The following MIPOL1 variants were observed in gnomAD, a reference collection of about 807,000 sequenced individuals.
MIPOL1 encodes mirror-image polydactyly gene 1 protein.
Under a neutral mutation model 60.9 loss-of-function variants are expected in MIPOL1, and 57 were observed. The observed-to-expected ratio is 0.94, with a 90% confidence interval of 0.76 to 1.17. The LOEUF (loss-of-function observed/expected upper bound fraction) is 1.17, where lower values mean the gene tolerates loss of function less well. Ranked by LOEUF, MIPOL1 falls within the 50% of genes most tolerant of loss-of-function variation. The pLI is 0.00. For synonymous variants in MIPOL1, 179 were observed against 168.8 expected (o/e 1.06, Z -0.47); for missense variants, 551 against 511.6 (o/e 1.08, Z -0.74).
intron 12 of MIPOL1, chr14:37,523,527 C>T (rs1427721689): frequency 1.2e-5 from 5 of 426,136 alleles, no homozygotes; most frequent in Admixed American, 4.3e-5. Flanking sequence ...GAGAAAAATT[C>T]CTAATGGATA....
At chr14:37,537,947 G>T (rs747622767) in intron 12 of MIPOL1, among the ~76,000 whole-genome samples, 129 of 152,154 alleles carry the variant, frequency 8.5e-4, no homozygotes, top group Non-Finnish European at 1.4e-3. Flanking sequence ...ATGAAATTAG[G>T]TTATTAGGCT....
intron 1 of MIPOL1, among the ~76,000 whole-genome samples, chr14:37,233,043 AAT>A (rs1483098370): frequency 6.6e-6 from 1 of 152,162 alleles, no homozygotes; most frequent in African/African-American, 2.4e-5. Context: ...CATCTTTTTA[AAT>A]TGATGCCAGT....
At position 37,369,579 on chromosome 14, in the gene MIPOL1, C is replaced by A; in HGVS notation, c.891C>A (p.Asn297Lys). The change falls in exon 10 of 13, where the codon AAC becomes AAA. Residue 297 changes from asparagine to lysine, a missense_variant. Coordinates refer to ENST00000684589, the MANE Select transcript of MIPOL1 (RefSeq NM_001388067.1). ...AGCAGAACCAGACTTCAGCAAACAA[C>A]ATGAGACATCTGACTGCTGAAAACA... The part of the protein sequence containing the change: ...VKEQNQTSAN[N>K]MRHLTAENNQ... 6.2e-7 allele frequency: 1 copy of A among 1,613,376 alleles called. No individual in the cohort carries two copies. Among genetic ancestry groups the A allele is most frequent in the Non-Finnish European group, 8.5e-7 (1 of 1,179,540 alleles).
intron 1 of MIPOL1, among the ~76,000 whole-genome samples, chr14:37,244,194 A>G (rs1452026847): frequency 8.0e-6 from 1 of 124,804 alleles, no homozygotes; most frequent in Non-Finnish European, 1.5e-5. Flanking sequence ...ATCTTGACTC[A>G]CTGCAGTCTC....
At chr14:37,385,574 A>G (rs2093042886) in intron 10 of MIPOL1, 1 of 152,110 alleles carries the variant, frequency 6.6e-6, no homozygotes, top group Non-Finnish European at 1.5e-5. Context: ...ACAGAAAAAG[A>G]ACTAAACTTT....
intron 7 of MIPOL1, among the ~76,000 whole-genome samples, chr14:37,291,982 A>G (rs1399393902): frequency 3.7e-5 from 5 of 134,968 alleles, no homozygotes; most frequent in African/African-American, 1.5e-4. Flanking sequence ...CTGGAGTGCA[A>G]TGGTGCAATC....
chr14:37,353,296 G>T (rs2091546018), intron 9 of MIPOL1, among the ~76,000 whole-genome samples: 1 of 110,154 alleles, frequency 9.1e-6, no homozygotes, highest in Non-Finnish European at 1.9e-5. Flanking sequence ...TGTGCTGCTG[G>T]ATTCGGTTTG....
At chr14:37,363,775 G>T (rs528901109) in intron 9 of MIPOL1, among the ~76,000 whole-genome samples, 1 of 152,330 alleles carries the variant, frequency 6.6e-6, no homozygotes, top group Admixed American at 6.5e-5. Flanking sequence ...TTCCCGAGCT[G>T]TGGTGGGCGC....
At chr14:37,235,818 C>T (rs72671717) in intron 1 of MIPOL1, among the ~76,000 whole-genome samples, 39,301 of 151,844 alleles carry the variant, frequency 0.26, 5,189 homozygotes, top group South Asian at 0.33. Flanking sequence ...CTAGGGACCT[C>T]ATATAAGTGG....
At chr14:37,393,284 G>A (rs975734539) in intron 10 of MIPOL1, among the ~76,000 whole-genome samples, 4 of 151,980 alleles carry the variant, frequency 2.6e-5, no homozygotes, top group African/African-American at 9.7e-5. Context: ...CCAATTTGTG[G>A]TTCTTTGTTT....
intron 10 of MIPOL1, among the ~76,000 whole-genome samples, chr14:37,383,340 A>G (rs2092977024): frequency 6.6e-6 from 1 of 151,860 alleles, no homozygotes; most frequent in Non-Finnish European, 1.5e-5. Flanking sequence ...CTCAACTTGT[A>G]TCAGCATTTT....
At chr14:37,419,696 A>G (rs2093836543) in intron 10 of MIPOL1, among the ~76,000 whole-genome samples, 1 of 152,062 alleles carries the variant, frequency 6.6e-6, no homozygotes, top group Non-Finnish European at 1.5e-5. Context: ...GAAGGAAGAA[A>G]GGGATGTGAC....
chr14:37,347,235 A>G (rs1475527350), intron 9 of MIPOL1, among the ~76,000 whole-genome samples: 1 of 152,232 alleles, frequency 6.6e-6, no homozygotes, highest in Non-Finnish European at 1.5e-5. Context: ...CATATACCAT[A>G]TATACATGTA....
At chr14:37,383,135 A>G (rs2092970782) in intron 10 of MIPOL1, among the ~76,000 whole-genome samples, 1 of 151,788 alleles carries the variant, frequency 6.6e-6, no homozygotes, top group Non-Finnish European at 1.5e-5. Flanking sequence ...CATTTATATT[A>G]TCTTTTATTT....
chr14:37,367,788 A>G (rs1044329706), intron 9 of MIPOL1, among the ~76,000 whole-genome samples: 4 of 152,198 alleles, frequency 2.6e-5, no homozygotes, highest in African/African-American at 9.6e-5. Flanking sequence ...AGGATAATTT[A>G]GTAGAGAATA....
chr14:37,429,277 T>C (rs2094019337), intron 11 of MIPOL1, among the ~76,000 whole-genome samples: 1 of 152,206 alleles, frequency 6.6e-6, no homozygotes, highest in Non-Finnish European at 1.5e-5. Context: ...TCCTTATATT[T>C]TCTTTCACTT....
chr14:37,433,455 G>A (rs2094110161), intron 11 of MIPOL1, among the ~76,000 whole-genome samples: 1 of 152,074 alleles, frequency 6.6e-6, no homozygotes. Context: ...CCGCTTATGA[G>A]TGAGAACTTG....
intron 7 of MIPOL1, among the ~76,000 whole-genome samples, chr14:37,299,820 A>G (rs2086208935): frequency 1.3e-5 from 2 of 152,136 alleles, no homozygotes; most frequent in Admixed American, 6.6e-5. Flanking sequence ...ATATCCTTTT[A>G]TGCTCTAGGA....
At chr14:37,296,910 AT>A in intron 7 of MIPOL1, among the ~76,000 whole-genome samples, 1 of 152,308 alleles carries the variant, frequency 6.6e-6, no homozygotes, top group East Asian at 1.9e-4. Context: ...TTCTGAAACT[AT>A]TCCAATCAAT....
Sources: gnomAD v4.1 joint callset for allele counts (sites outside exome capture counted in the v4.1 genomes callset) on GRCh38, gnomAD v4.1.1 for gene constraint, MANE v1.5 for transcripts, NCBI Gene and HGNC (gene_info 2026-07-23, HGNC 2026-07-21) for gene names.